COL4A5: variants seen among roughly 807,000 people sequenced by gnomAD.
COL4A5 encodes the protein collagen alpha-5(IV) chain.
Under a neutral mutation model 130.2 loss-of-function variants are expected in COL4A5, and 26 were observed. The observed-to-expected ratio is 0.20, with a 90% CI of 0.15 to 0.28. The LOEUF is 0.28. Among genes scored for constraint, COL4A5 ranks in the 10% least tolerant of loss-of-function variants. COL4A5 has a pLI of 1.00. For synonymous variants in COL4A5, 496 were observed against 439.6 expected, an observed-to-expected ratio of 1.13 and a Z score of -1.60; for missense variants, 1,131 against 1,344.3, an observed-to-expected ratio of 0.84 and a Z score of 2.48.
At chrX:108,511,063 A>G (rs889985740) in intron 1 of COL4A5, among the ~76,000 whole-genome samples, 1 of 111,648 alleles carries the variant, frequency 9.0e-6, no homozygotes, top group African/African-American at 3.2e-5. Context: ...AGAATAGTAC[A>G]ATGAACCCTT....
chrX:108,539,390 A>G (rs180979506), intron 1 of COL4A5, among the ~76,000 whole-genome samples: 39 of 112,048 alleles, frequency 3.5e-4, no homozygotes, highest in African/African-American at 1.3e-3. Context: ...TGTACTTTAT[A>G]TGTGAATATA....
chrX:108,584,542 T>A lies in COL4A5; in HGVS notation c.1032+17T>A. On this transcript the variant is annotated intron_variant, in intron 18 of 52. Coordinates refer to ENST00000328300, the MANE Select transcript of COL4A5 (RefSeq NM_033380.3). ...CCTGGACTTGTAAGTTTTTTTTTTT[T>A]AGTCTTCGTTTATCAAATTTATTAA... 1 of 1,177,733 alleles carries A rather than the reference T, an allele frequency of 8.5e-7. No individual in the cohort carries two copies. Among genetic ancestry groups the A allele is most frequent in the South Asian group, 1.8e-5 (1 of 54,062 alleles).
rs375420079 is a variant in COL4A5 at position 108,655,311 on chromosome X, C to G, written c.3247-20C>G. Reference sequence around the variant, plus strand: ...AGTCGTGTAGAGACTTCAGTATTATCTTTTTATTCGTGTTTTCAGGGTGAG... The same window carrying G: ...AGTCGTGTAGAGACTTCAGTATTATGTTTTTATTCGTGTTTTCAGGGTGAG... On this transcript the variant is annotated intron_variant, in intron 36 of 52. Coordinates refer to ENST00000328300, the MANE Select transcript of COL4A5 (RefSeq NM_033380.3). 4.8e-5 allele frequency: 58 copies of G among 1,205,488 alleles called. No homozygotes were observed. Among genetic ancestry groups the G allele is most frequent in the Non-Finnish European group, 6.2e-5 (55 of 892,436 alleles).
intron 1 of COL4A5, among the ~76,000 whole-genome samples, chrX:108,476,863 C>A (rs1170560767): frequency 9.0e-6 from 1 of 111,573 alleles, no homozygotes; most frequent in Non-Finnish European, 1.9e-5. Flanking sequence ...CAAATCTTGG[C>A]TCTTGTGAAT....
At position 108,692,741 on chromosome X, in the gene COL4A5, T is replaced by A. The variant is rs2147998277; in HGVS notation, c.4529-7T>A. On this transcript the variant is annotated splice_polypyrimidine_tract_variant and splice_region_variant and intron_variant, in intron 49 of 52. Transcript: ENST00000328300. ...TCCTTTACTGTTTTCTCTCCAAATC[T>A]TTCTAGGGACGGCTGGCAGCTGCCT... is the stretch of plus-strand genomic sequence containing the variant. 8.3e-7 allele frequency: 1 copy of A among 1,210,617 alleles called. No homozygotes were observed. The highest frequency in any genetic ancestry group is 1.1e-6 in the Non-Finnish European group (1 of 894,408).
intron 30 of COL4A5, among the ~76,000 whole-genome samples, chrX:108,619,382 A>C (rs765857433): frequency 8.9e-6 from 1 of 111,897 alleles, no homozygotes; most frequent in Admixed American, 9.5e-5. Flanking sequence ...CATAATCCCC[A>C]TTTAGCAGAT....
intron 10 of COL4A5, 28 bp downstream of exon 10, chrX:108,576,000 C>T (rs1158124996): frequency 2.0e-6 from 2 of 978,821 alleles, no homozygotes; most frequent in South Asian, 2.0e-5. Context: ...ATTTAATTTC[C>T]CCCCCTTTCC....
intron 2 of COL4A5, among the ~76,000 whole-genome samples, chrX:108,553,059 G>T (rs2065775945): frequency 9.0e-6 from 1 of 111,316 alleles, no homozygotes; most frequent in Admixed American, 9.6e-5. Context: ...CACAAAAATG[G>T]CTCACACTTT....
chrX:108,615,346 T>A (rs975100104), intron 30 of COL4A5, among the ~76,000 whole-genome samples: 3 of 111,844 alleles, frequency 2.7e-5, no homozygotes, highest in African/African-American at 9.7e-5. Flanking sequence ...TCATTTCAGA[T>A]CTGAGTAGCG....
intron 1 of COL4A5, among the ~76,000 whole-genome samples, chrX:108,538,712 T>G (rs776795078): frequency 8.9e-6 from 1 of 112,212 alleles, no homozygotes; most frequent in Admixed American, 9.5e-5. Flanking sequence ...CTGGTATCTA[T>G]CTGATGAAAA....
chrX:108,484,729 G>C (rs1370698228), intron 1 of COL4A5, among the ~76,000 whole-genome samples: 1 of 112,575 alleles, frequency 8.9e-6, no homozygotes, highest in African/African-American at 3.2e-5. Context: ...ACCACCCCTG[G>C]GATTGTGCTG....
chrX:108,530,459 G>C (rs1351089604), intron 1 of COL4A5, among the ~76,000 whole-genome samples: 1 of 107,937 alleles, frequency 9.3e-6, no homozygotes, highest in Non-Finnish European at 1.9e-5. Context: ...CTACTCATCT[G>C]ACAAAGGGCT....
intron 42 of COL4A5, among the ~76,000 whole-genome samples, chrX:108,673,246 A>G (rs903506049): frequency 3.6e-5 from 4 of 111,537 alleles, no homozygotes; most frequent in African/African-American, 1.3e-4. Flanking sequence ...CCCATTTTAC[A>G]GGTAAAAAAC....
At chrX:108,502,732 C>G (rs1236003126) in intron 1 of COL4A5, among the ~76,000 whole-genome samples, 1 of 111,317 alleles carries the variant, frequency 9.0e-6, no homozygotes, top group Non-Finnish European at 1.9e-5. Context: ...GTAACTAACA[C>G]CCAGGTCAAG....
intron 2 of COL4A5, among the ~76,000 whole-genome samples, chrX:108,556,435 G>A (rs949900999): frequency 3.6e-5 from 4 of 110,750 alleles, no homozygotes; most frequent in Non-Finnish European, 7.6e-5. Context: ...TTAGATTCCC[G>A]GGTAAAGAGA....
chrX:108,649,680 G>C (rs1228200622), intron 36 of COL4A5, among the ~76,000 whole-genome samples: 1 of 111,517 alleles, frequency 9.0e-6, no homozygotes, highest in Non-Finnish European at 1.9e-5. Context: ...TTCAACAAAT[G>C]GTGCTCAGTT....
At position 108,626,323 on chromosome X, in the gene COL4A5, G is replaced by A. The variant is rs370972364; in HGVS notation, c.3220G>A (p.Gly1074Ser). The change falls in exon 36 of 53, where the codon GGT becomes AGT. Residue 1074 changes from glycine (G) to serine (S), a missense_variant. By Grantham distance (56) the Gly-to-Ser change is moderately conservative. Coordinates refer to ENST00000328300, the MANE Select transcript of COL4A5 (RefSeq NM_033380.3). ...DKGDPGISSI[G>S]LPGLPGPKGE... ...AGGTGATCCTGGTATTTCAAGCATTGGTCTTCCAGGTCTTCCTGGTCCAAA... is the reference window on the plus strand; with the variant it reads ...AGGTGATCCTGGTATTTCAAGCATTAGTCTTCCAGGTCTTCCTGGTCCAAA... The A allele has an allele frequency of 9.1e-6, 11 of 1,208,733 alleles. No homozygotes were observed. The Admixed American group carries it at 1.8e-4, about 19-fold the overall frequency.
intron 2 of COL4A5, among the ~76,000 whole-genome samples, chrX:108,542,565 T>C (rs1185166732): frequency 9.1e-6 from 1 of 110,372 alleles, no homozygotes; most frequent in African/African-American, 3.4e-5. Flanking sequence ...CCGCAATAAA[T>C]ATACATGTGC....
At chrX:108,668,294 T>G (rs769222331) in intron 40 of COL4A5, 25 bp from the exon 41 acceptor site, 5 of 1,187,039 alleles carry the variant, frequency 4.2e-6, no homozygotes, top group Non-Finnish European at 5.7e-6. Flanking sequence ...ATTATTTATC[T>G]TCTAATTATA....
Sources: gnomAD v4.1 joint callset for allele counts (sites outside exome capture counted in the v4.1 genomes callset) on GRCh38, gnomAD v4.1.1 for gene constraint, MANE v1.5 for transcripts, NCBI Gene and HGNC (gene_info 2026-07-23, HGNC 2026-07-21) for gene names.